Variants in RND3 observed in about 807,000 individuals in gnomAD.
RND3 encodes the protein rho-related GTP-binding protein RhoE.
In RND3, 8 loss-of-function variants were observed where a neutral mutation model predicts 26.5. That is an observed-to-expected ratio of 0.30 (90% CI 0.18 to 0.54). RND3 has a LOEUF of 0.54. Ranked by LOEUF, RND3 falls within the 20% of genes least tolerant of loss-of-function variation. The probability of loss-of-function intolerance (pLI) is 0.94; values close to 1 mark genes in which losing one functional copy is unlikely to be tolerated. For missense variants in RND3, 207 were observed against 302.8 expected (o/e 0.68, Z 2.35); for synonymous variants, 113 against 113.0 (o/e 1.00, Z 0.00).
intron 4 of RND3, among the ~76,000 whole-genome samples, chr2:150,473,432 T>A (rs1260430542): frequency 6.6e-6 from 1 of 152,200 alleles, no homozygotes; most frequent in African/African-American, 2.4e-5. Context: ...GCAACCCCTT[T>A]TATCTCCAGA....
At chr2:150,471,376 A>T (rs1686086166) in intron 5 of RND3, among the ~76,000 whole-genome samples, 1 of 152,192 alleles carries the variant, frequency 6.6e-6, no homozygotes, top group Non-Finnish European at 1.5e-5. Context: ...TTTTGACCAC[A>T]TTCTCTCTTA....
chr2:150,472,719 C>G (rs1360911765), intron 4 of RND3, among the ~76,000 whole-genome samples: 1 of 152,126 alleles, frequency 6.6e-6, no homozygotes, highest in East Asian at 1.9e-4. Context: ...AAGTGTTCTA[C>G]TAAGTACTGT....
At chr2:150,483,715 G>A (rs1680831031) in intron 3 of RND3, among the ~76,000 whole-genome samples, 1 of 152,150 alleles carries the variant, frequency 6.6e-6, no homozygotes, top group African/African-American at 2.4e-5. Context: ...TGATTCAATG[G>A]TTCCTGCTAG....
intron 3 of RND3, among the ~76,000 whole-genome samples, chr2:150,484,657 C>T (rs1686328384): frequency 6.6e-6 from 1 of 152,148 alleles, no homozygotes; most frequent in South Asian, 2.1e-4. Context: ...AACAAAAAGA[C>T]CTGCCTGTCC....
intron 1 of RND3, 22 bp from the exon 2 acceptor site, chr2:150,487,477 ATAT>A: frequency 3.1e-6 from 1 of 321,278 alleles, no homozygotes; most frequent in East Asian, 8.3e-5. Context: ...AAAAAAAAAT[ATAT>A]ATATATATAT....
chr2:150,476,949 C>T (rs1353640113), intron 3 of RND3, among the ~76,000 whole-genome samples: 2 of 152,210 alleles, frequency 1.3e-5, no homozygotes, highest in Admixed American at 1.3e-4. Context: ...CAAAGTCTAA[C>T]TCTAGCACGG....
At chr2:150,480,117 G>T (rs988712428) in intron 3 of RND3, among the ~76,000 whole-genome samples, 20 of 151,952 alleles carry the variant, frequency 1.3e-4, no homozygotes, top group African/African-American at 4.1e-4. Context: ...TGGAACCATG[G>T]TTAAGTCAAG....
intron 3 of RND3, among the ~76,000 whole-genome samples, chr2:150,479,961 T>A (rs1054426462): frequency 3.3e-5 from 5 of 152,178 alleles, no homozygotes; most frequent in Non-Finnish European, 4.4e-5. Context: ...GGAATAAAGA[T>A]TTTCTATTTC....
At position 150,486,804 on chromosome 2, in the gene RND3, A is replaced by G. The variant is rs1177878990; in HGVS notation, c.151-23T>C. The G allele has an allele frequency of 6.4e-7, 1 of 1,553,356 alleles. No individual in the cohort carries two copies. The highest frequency in any genetic ancestry group is 1.4e-5 in the African/African-American group (1 of 73,734). On this transcript the variant is annotated intron_variant, in intron 2 of 5. Coordinates refer to ENST00000263895, the MANE Select transcript of RND3 (RefSeq NM_005168.5). The surrounding 1 kb of genome is among the most constrained non-coding windows in gnomAD (Gnocchi z 4.5). ...ATTCTGGATAGACAAAATGGGCAAA[A>G]GAGGAAGGAAAGAGGGCAAAGAGGT...
chr2:150,483,031 A>G (rs1443852977), intron 3 of RND3, among the ~76,000 whole-genome samples: 1 of 152,214 alleles, frequency 6.6e-6, no homozygotes, highest in East Asian at 1.9e-4. Context: ...TGCGGGAAAA[A>G]AGGAAGAGAT....
At position 150,486,983 on chromosome 2, in the gene RND3, G is replaced by T. The variant is rs1451543531; in HGVS notation, c.151-202C>A. ...CCACTCACCCCACCCGGCTCTCACA[G>T]ATCTGCTGACCCGAATCTCCCAACC... On this transcript the variant is annotated intron_variant, in intron 2 of 5. Coordinates refer to ENST00000263895, the MANE Select transcript of RND3 (RefSeq NM_005168.5). This position sits in a 1 kb window ranked among gnomAD's most constrained non-coding sequence, Gnocchi z 4.5. 7 of 619,746 alleles carry T rather than the reference G, an allele frequency of 1.1e-5. No individual in the cohort carries two copies. Among genetic ancestry groups the T allele is most frequent in the African/African-American group, 9.2e-5 (5 of 54,370 alleles). The allele number at this position is 619,746 out of a possible 1,614,324, so 38.4% of individuals were successfully genotyped here. A position where few individuals can be genotyped will look rare whatever the true frequency, so the allele number is the denominator to read the frequency against.
intron 4 of RND3, among the ~76,000 whole-genome samples, chr2:150,472,252 G>A (rs973331930): frequency 1.3e-5 from 2 of 152,090 alleles, no homozygotes; most frequent in Non-Finnish European, 2.9e-5. Flanking sequence ...ATGCCACCAC[G>A]AGCTGAGGCT....
Position 150,469,890 on chromosome 2 carries a change from A to G in RND3, c.*97T>C, listed in dbSNP as rs946454630. On this transcript the variant is annotated 3_prime_UTR_variant, in exon 6 of 6. Coordinates refer to ENST00000263895, the MANE Select transcript of RND3 (RefSeq NM_005168.5). Reference sequence around the variant, plus strand: ...AACGCCTCCTAAGCCTCTGGTATACATGACTTTGGCTGTGCACTTCATTTA... The same window carrying G: ...AACGCCTCCTAAGCCTCTGGTATACGTGACTTTGGCTGTGCACTTCATTTA... 12 of 1,421,420 alleles carry G rather than the reference A, an allele frequency of 8.4e-6. No individual in the cohort carries two copies. The highest frequency in any genetic ancestry group is 1.2e-5 in the Non-Finnish European group (12 of 1,037,318). The allele number at this position is 1,421,420 out of a possible 1,614,324, so 88.1% of individuals were successfully genotyped here.
chr2:150,478,039 T>TTATTTAAAATAA (rs1472211147), intron 3 of RND3, among the ~76,000 whole-genome samples: 2 of 152,174 alleles, frequency 1.3e-5, no homozygotes, highest in African/African-American at 2.4e-5. Context: ...GACCATTTAT[T>TTATTTAAAATAA]CACTATATTT....
intron 3 of RND3, among the ~76,000 whole-genome samples, chr2:150,477,526 C>A (rs566581753): frequency 6.6e-6 from 1 of 152,204 alleles, no homozygotes; most frequent in Non-Finnish European, 1.5e-5. Flanking sequence ...CTATGTTTCC[C>A]GTCCCCCACC....
At chr2:150,482,376 C>T (rs1233918096) in intron 3 of RND3, among the ~76,000 whole-genome samples, 1 of 152,094 alleles carries the variant, frequency 6.6e-6, no homozygotes, top group Non-Finnish European at 1.5e-5. Context: ...CTATGCTTGG[C>T]AAATGTGGCC....
At chr2:150,485,250 T>G (rs976545661) in intron 3 of RND3, 2 of 152,414 alleles carry the variant, frequency 1.3e-5, no homozygotes, top group African/African-American at 2.4e-5. Flanking sequence ...GCACCGACCA[T>G]GAGAGGCGCT....
chr2:150,487,342 T>C lies in RND3; in HGVS notation c.76A>G (p.Ile26Val), dbSNP rs754971352. ...CACTGACTGTCTCCCACCACAACTA[T>C]CTTGCATTTCACGTTCTGATTAGGA... ...MDPNQNVKCK[I>V]VVVGDSQCGK... is the part of the protein sequence containing the mutation. Residue 26 changes from isoleucine (I) to valine (V), a missense_variant, in exon 2 of 6, where the codon ATA (isoleucine) becomes GTA (valine). Physicochemically the swap from Ile to Val is conservative, Grantham distance 29 (BLOSUM62 3). Coordinates refer to ENST00000263895, the MANE Select transcript of RND3 (RefSeq NM_005168.5). The C allele has an allele frequency of 6.2e-7, 1 of 1,606,486 alleles. No individual in the cohort carries two copies. The highest frequency in any genetic ancestry group is 2.3e-5 in the East Asian group (1 of 44,258).
At chr2:150,471,535 A>G (rs186861791) in intron 5 of RND3, 92 bp downstream of exon 5, 1 of 1,096,214 alleles carries the variant, frequency 9.1e-7, no homozygotes, top group Non-Finnish European at 1.3e-6. Flanking sequence ...CCTTTAGAAA[A>G]GCAGCTACTT....
Sources: allele counts gnomAD v4.1 joint callset (sites outside exome capture counted in the v4.1 genomes callset), GRCh38; gene constraint gnomAD v4.1.1; non-coding constraint Gnocchi (gnomAD v3.1); transcripts MANE v1.5; gene names NCBI Gene and HGNC (gene_info 2026-07-23, HGNC 2026-07-21).